Variants in SYN3 observed in about 807,000 individuals in gnomAD.
SYN3 encodes synapsin-3.
SYN3 carries 35 observed loss-of-function variants against 65.8 expected under a neutral mutation model. The observed-to-expected ratio is 0.53, with a 90% CI of 0.41 to 0.70. SYN3 has a LOEUF of 0.70. Ranked by LOEUF, SYN3 falls within the 30% of genes least tolerant of loss-of-function variation. The pLI is 0.00. For synonymous variants in SYN3, 270 were observed against 292.9 expected (o/e 0.92, Z 0.80); for missense variants, 680 against 749.0 (o/e 0.91, Z 1.08).
intron 6 of SYN3, among the ~76,000 whole-genome samples, chr22:32,796,161 G>C (rs1321575571): frequency 1.3e-5 from 2 of 152,192 alleles, no homozygotes; most frequent in African/African-American, 2.4e-5. Flanking sequence ...CCATTTCATA[G>C]TACCCTTCAC....
intron 6 of SYN3, among the ~76,000 whole-genome samples, chr22:32,833,504 G>A (rs942130422): frequency 6.6e-5 from 10 of 152,156 alleles, no homozygotes; most frequent in African/African-American, 2.4e-4. Flanking sequence ...TTTAACCTTG[G>A]GATGGGACTG....
intron 2 of SYN3, among the ~76,000 whole-genome samples, chr22:32,990,494 AT>A (rs1316664017): frequency 6.6e-6 from 1 of 151,812 alleles, no homozygotes; most frequent in Non-Finnish European, 1.5e-5. Flanking sequence ...CCATCCACAC[AT>A]TCGCCCATCC....
rs1468273834 is a variant in SYN3, at chr22:32,510,170, A to G, written c.*3522T>C. ...GGTTCGTAGCTGCGTTGGAGACTGC[A>G]GCACACCCGTAGCAGTACTGTTTCT... On this transcript the variant is annotated 3_prime_UTR_variant, in exon 14 of 14. Transcript: ENST00000358763. Among the ~76,000 whole-genome samples, 3 of 152,202 alleles carry G rather than the reference A, an allele frequency of 2.0e-5. No homozygotes were observed. Among genetic ancestry groups the G allele is most frequent in the Admixed American group, 6.5e-5 (1 of 15,278 alleles).
intron 1 of SYN3, 41 bp downstream of exon 1, chr22:33,058,251 G>C (rs1411699942): frequency 6.6e-6 from 1 of 152,104 alleles, no homozygotes; most frequent in Non-Finnish European, 1.5e-5. Flanking sequence ...CCGGCTGTCA[G>C]AAACCCCACA....
At chr22:32,941,033 T>C (rs2050920780) in intron 3 of SYN3, among the ~76,000 whole-genome samples, 1 of 152,226 alleles carries the variant, frequency 6.6e-6, no homozygotes, top group Admixed American at 6.5e-5. Context: ...CTACTATTCC[T>C]TGCTTTGCAA....
chr22:32,842,288 G>A (rs183918121), intron 6 of SYN3, among the ~76,000 whole-genome samples: 83 of 152,260 alleles, frequency 5.5e-4, no homozygotes, highest in African/African-American at 1.8e-3. Context: ...TTTGGGAGTT[G>A]GGATTGTGGT....
intron 4 of SYN3, among the ~76,000 whole-genome samples, chr22:32,926,261 CTAA>C (rs1413154272): frequency 3.9e-5 from 6 of 152,178 alleles, no homozygotes; most frequent in African/African-American, 1.4e-4. Flanking sequence ...GCACAGATTC[CTAA>C]ACAATAGCAT....
At chr22:32,880,534 G>GGGT (rs2049101334) in intron 4 of SYN3, among the ~76,000 whole-genome samples, 1 of 152,160 alleles carries the variant, frequency 6.6e-6, no homozygotes, top group African/African-American at 2.4e-5. Context: ...ACCCCCTGGT[G>GGGT]GGTGGTGGTG....
At chr22:32,972,244 A>G (rs986748441) in intron 3 of SYN3, among the ~76,000 whole-genome samples, 3 of 152,250 alleles carry the variant, frequency 2.0e-5, no homozygotes, top group African/African-American at 2.4e-5. Flanking sequence ...AGCATTGTCT[A>G]TAATAGTAAA....
At chr22:32,634,280 C>T (rs180932150) in intron 6 of SYN3, among the ~76,000 whole-genome samples, 1 of 152,296 alleles carries the variant, frequency 6.6e-6, no homozygotes, top group East Asian at 1.9e-4. Flanking sequence ...TATTCAAACT[C>T]AGCAGGCAGT....
intron 6 of SYN3, among the ~76,000 whole-genome samples, chr22:32,631,188 G>A (rs190438821): frequency 7.2e-5 from 11 of 152,006 alleles, no homozygotes; most frequent in East Asian, 3.9e-4. Context: ...CCAGCTACTC[G>A]GGAGGCTGAG....
intron 6 of SYN3, among the ~76,000 whole-genome samples, chr22:32,613,889 G>A (rs1195170106): frequency 4.6e-5 from 7 of 152,160 alleles, no homozygotes; most frequent in South Asian, 4.2e-4. Flanking sequence ...TTCCACCTAC[G>A]GAAGAGGCTG....
intron 2 of SYN3, among the ~76,000 whole-genome samples, chr22:32,989,835 C>CCAAA (rs1556090234): frequency 1.1e-5 from 1 of 88,156 alleles, no homozygotes; most frequent in African/African-American, 4.5e-5. Flanking sequence ...ACTCCATCTT[C>CCAAA]AAAAAAAAAA....
chr22:32,532,485 G>C (rs1362615719), intron 10 of SYN3, among the ~76,000 whole-genome samples: 1 of 152,298 alleles, frequency 6.6e-6, no homozygotes, highest in Admixed American at 6.5e-5. Context: ...AGGCGTTTCC[G>C]GGCCTTGAGA....
At chr22:32,828,646 C>G (rs563038652) in intron 6 of SYN3, among the ~76,000 whole-genome samples, 1 of 152,312 alleles carries the variant, frequency 6.6e-6, no homozygotes, top group South Asian at 2.1e-4. Flanking sequence ...CTGATGCTAC[C>G]TCATGAGTTA....
intron 2 of SYN3, among the ~76,000 whole-genome samples, chr22:32,998,002 G>C (rs148186116): frequency 6.7e-6 from 1 of 150,132 alleles, no homozygotes; most frequent in Non-Finnish European, 1.5e-5. Context: ...ACTCCAGCCT[G>C]GGTGACAGAG....
intron 1 of SYN3, among the ~76,000 whole-genome samples, chr22:33,008,438 A>C (rs1398988643): frequency 6.6e-6 from 1 of 152,130 alleles, no homozygotes; most frequent in African/African-American, 2.4e-5. Flanking sequence ...CCGTTTATTA[A>C]TTTTACCTGT....
chr22:32,687,954 C>CA (rs1555925414), intron 6 of SYN3, among the ~76,000 whole-genome samples: 1 of 152,134 alleles, frequency 6.6e-6, no homozygotes, highest in East Asian at 1.9e-4. Flanking sequence ...TCACAGCAAT[C>CA]GCACAGCCAT....
At chr22:32,983,034 C>T (rs527393940) in intron 2 of SYN3, among the ~76,000 whole-genome samples, 68 of 152,212 alleles carry the variant, frequency 4.5e-4, no homozygotes, top group Admixed American at 2.2e-3. Context: ...GTTTGGATAT[C>T]GTCTCACAAA....
Sources: allele counts gnomAD v4.1 joint callset (sites outside exome capture counted in the v4.1 genomes callset), GRCh38; gene constraint gnomAD v4.1.1; transcripts MANE v1.5; gene names NCBI Gene and HGNC (gene_info 2026-07-23, HGNC 2026-07-21).